The following IFNGR1 variants were observed in gnomAD, a reference collection of about 807,000 sequenced individuals.
The protein encoded by IFNGR1 is AVP, type 2.
IFNGR1 carries 23 observed loss-of-function variants against 35.4 expected under a neutral mutation model. The ratio of observed to expected loss-of-function variants is 0.65; its 90% CI spans 0.47 to 0.92. IFNGR1 has a LOEUF of 0.92. Ranked by LOEUF, IFNGR1 falls within the 40% of genes least tolerant of loss-of-function variation. IFNGR1 has a pLI of 0.00. For missense variants in IFNGR1, 533 were observed against 583.4 expected, an observed-to-expected ratio of 0.91 and a Z score of 0.89; for synonymous variants, 199 against 209.5, an observed-to-expected ratio of 0.95 and a Z score of 0.43.
intron 5 of IFNGR1, among the ~76,000 whole-genome samples, chr6:137,203,281 G>A (rs1779331232): frequency 6.6e-6 from 1 of 151,932 alleles, no homozygotes; most frequent in African/African-American, 2.4e-5. Flanking sequence ...TGGGTCAAGG[G>A]GCCATCACAT....
intron 1 of IFNGR1, among the ~76,000 whole-genome samples, chr6:137,211,958 A>AT (rs576026268): frequency 2.6e-5 from 4 of 151,992 alleles, no homozygotes; most frequent in African/African-American, 7.3e-5. Context: ...TCATTTTGGC[A>AT]TTTTTTTGCC....
intron 5 of IFNGR1, among the ~76,000 whole-genome samples, chr6:137,201,238 T>C (rs931893103): frequency 6.6e-6 from 1 of 152,252 alleles, no homozygotes; most frequent in Non-Finnish European, 1.5e-5. Context: ...TTTCTGGGAC[T>C]ATTCTACTAT....
In IFNGR1 at chr6:137,204,362, G is replaced by T; in HGVS notation, c.516C>A (p.Tyr172Ter). ...DPETTCYIRV[Y>*]NVYVRMNGSE... The stretch of plus-strand genomic sequence containing the variant: ...TTCCGTTCATTCTCACATACACATT[G>T]TACACCCTAATGTAACAGGTAGTTT... The change falls in exon 4 of 7, where the codon TAC becomes TAA. Residue 172 changes from tyrosine (Y) to a stop codon, truncating the protein, a stop_gained. Coordinates refer to ENST00000367739, the MANE Select transcript of IFNGR1 (RefSeq NM_000416.3). LOFTEE classifies it high-confidence loss of function. 6.2e-7 allele frequency: 1 copy of T among 1,613,780 alleles called. No individual in the cohort carries two copies. The highest frequency in any genetic ancestry group is 8.5e-7 in the Non-Finnish European group (1 of 1,179,804).
chr6:137,211,921 C>T (rs992074721), intron 1 of IFNGR1, among the ~76,000 whole-genome samples: 3 of 152,178 alleles, frequency 2.0e-5, no homozygotes, highest in African/African-American at 7.2e-5. Context: ...CATACTAAAT[C>T]TGAGCCTTCC....
At chr6:137,216,725 T>G (rs1036111379) in intron 1 of IFNGR1, among the ~76,000 whole-genome samples, 19 of 152,166 alleles carry the variant, frequency 1.2e-4, no homozygotes, top group African/African-American at 4.3e-4. Context: ...CACAACAAAA[T>G]CTAGAGAAAT....
chr6:137,215,873 G>A (rs1389535418), intron 1 of IFNGR1, among the ~76,000 whole-genome samples: 1 of 151,972 alleles, frequency 6.6e-6, no homozygotes, highest in Admixed American at 6.6e-5. Context: ...CACCACACAG[G>A]GTTAATTTTT....
chr6:137,219,238 G>A lies in IFNGR1; in HGVS notation c.85+5C>T, dbSNP rs371150014. On this transcript the variant is annotated splice_donor_5th_base_variant and intron_variant, in intron 1 of 6. Coordinates refer to ENST00000367739, the MANE Select transcript of IFNGR1 (RefSeq NM_000416.3). ...CGGCCGCAGCCCTGCCGCGAACGAC[G>A]GTACCTGAGGACGGCCCCAGATCCG... 44 of 1,607,828 alleles carry A rather than the reference G, an allele frequency of 2.7e-5. No homozygotes were observed. The East Asian group carries it at 7.6e-4, about 28-fold the overall frequency.
Position 137,197,799 on chromosome 6 carries a change from A to T in IFNGR1, c.*232T>A. 5 of 477,170 alleles carry T rather than the reference A, an allele frequency of 1.0e-5. No homozygotes were observed. The highest frequency in any genetic ancestry group is 1.9e-5 in the Non-Finnish European group (5 of 265,584). The allele number at this position is 477,170 out of a possible 1,614,324, so 29.6% of individuals were successfully genotyped here. A position where few individuals can be genotyped will look rare whatever the true frequency, so the allele number is the denominator to read the frequency against. On this transcript the variant is annotated 3_prime_UTR_variant, in exon 7 of 7. Transcript: ENST00000367739. The stretch of plus-strand genomic sequence containing the variant: ...TTACTGGTAACCTATCTGGATGTAA[A>T]GGTTCATAAGTTACAATGCTTTTTT...
chr6:137,217,715 C>T (rs1264700223), intron 1 of IFNGR1, among the ~76,000 whole-genome samples: 1 of 152,196 alleles, frequency 6.6e-6, no homozygotes, highest in Non-Finnish European at 1.5e-5. Flanking sequence ...TTTTCTGAGA[C>T]AATAAATTCC....
rs1491444766 is a variant in IFNGR1 at position 137,202,600 on chromosome 6, T to TACAC, written c.733+898_733+899insGTGT. ...AAAATCCTAAGGAAAAAAATATATG[T>TACAC]ATACACACACACACACACACACACA... On this transcript the variant is annotated intron_variant, in intron 5 of 6. Transcript: ENST00000367739. 2.1e-3 allele frequency among the ~76,000 whole-genome samples: 219 copies of TACAC among 104,420 alleles called. 4 individuals carry two copies. The Admixed American group carries it at 0.022, about 11-fold the overall frequency. The allele number at this position is 104,420 out of a possible 152,430, so 68.5% of individuals were successfully genotyped here.
In IFNGR1 at chr6:137,197,849, T is replaced by C. The variant is rs889422062; in HGVS notation, c.*182A>G. 37 of 706,436 alleles carry C rather than the reference T, an allele frequency of 5.2e-5. No individual in the cohort carries two copies. The highest frequency in any genetic ancestry group is 7.7e-5 in the Non-Finnish European group (34 of 440,214). 43.8% of individuals were successfully genotyped at this position (706,436 alleles called of 1,614,324 possible). A position where few individuals can be genotyped will look rare whatever the true frequency, so the allele number is the denominator to read the frequency against. ...TTGTTTAAAAAAAAAAAAAAGTCTG[T>C]ACTTTACAAGCCAAAAGTGAAAATG... On this transcript the variant is annotated 3_prime_UTR_variant, in exon 7 of 7. Transcript: ENST00000367739.
At position 137,198,088 on chromosome 6, in the gene IFNGR1, G is replaced by C. The variant is rs749318907; in HGVS notation, c.1413C>G (p.Ser471Arg). The change falls in exon 7 of 7, where the codon AGC (serine) becomes AGG (arginine). Residue 471 changes from serine (S) to arginine (R), a missense_variant. Ser to Arg is a moderately radical substitution (Grantham distance 110). Transcript: ENST00000367739. Reference protein sequence around the residue: ...HVLVDLLVDDSGKESLIGYRP... With the variant: ...HVLVDLLVDDRGKESLIGYRP... ...TATAACCAATCAAGGACTCTTTACCGCTATCATCCACAAGTAGATCCACTA... is the reference window on the plus strand; with the variant it reads ...TATAACCAATCAAGGACTCTTTACCCCTATCATCCACAAGTAGATCCACTA... The C allele has an allele frequency of 2.5e-6, 4 of 1,613,946 alleles. No homozygotes were observed. The highest frequency in any genetic ancestry group is 3.4e-6 in the Non-Finnish European group (4 of 1,180,008).
intron 1 of IFNGR1, chr6:137,209,837 C>T (rs1779534446): frequency 5.0e-6 from 2 of 398,702 alleles, no homozygotes; most frequent in East Asian, 3.6e-5. Flanking sequence ...TTCTATAGTA[C>T]AGGAATAGAT....
chr6:137,200,736 G>A, intron 6 of IFNGR1, 145 bp downstream of exon 6: 1 of 697,840 alleles, frequency 1.4e-6, no homozygotes, highest in Non-Finnish European at 2.3e-6. Flanking sequence ...CACAGTATGT[G>A]ATTTTGCATG....
At chr6:137,207,505 C>T (rs575930231) in intron 1 of IFNGR1, among the ~76,000 whole-genome samples, 1 of 152,220 alleles carries the variant, frequency 6.6e-6, no homozygotes, top group African/African-American at 2.4e-5. Context: ...AACTGTATCT[C>T]CCAGAATTCC....
rs745401411 is a variant in IFNGR1 at position 137,198,463 on chromosome 6, T to C, written c.1038A>G (p.Thr346=). 5 of 1,614,082 alleles carry C rather than the reference T, an allele frequency of 3.1e-6. No homozygotes were observed. Among genetic ancestry groups the C allele is most frequent in the Non-Finnish European group, 4.2e-6 (5 of 1,180,036 alleles). Residue 346 remains threonine, a synonymous_variant, in exon 7 of 7, where the codon ACA becomes ACG. Transcript: ENST00000367739. ...TEDNPGKVEH[T]EELSSITEVV... is the part of the protein sequence containing the mutation. ...CTTCTGTTATACTAGAAAGTTCTTC[T>C]GTATGTTCCACTTTTCCTGGATTGT...
rs2114487300 is a variant in IFNGR1, at chr6:137,206,265, G to A, written c.244C>T (p.His82Tyr). ...TGATCAGAAATATTACAATAATGAT[G>A]AGAAATATTGATGCAGGCATCAATC... ...EWIDACINIS[H>Y]HYCNISDHVG... The change falls in exon 3 of 7, where the codon CAT (histidine) becomes TAT (tyrosine). Residue 82 changes from histidine (H) to tyrosine (Y), a missense_variant. Transcript: ENST00000367739. The A allele has an allele frequency of 6.2e-7, 1 of 1,609,242 alleles. No homozygotes were observed.
chr6:137,215,313 C>T, intron 1 of IFNGR1: 2 of 1,548,964 alleles, frequency 1.3e-6, no homozygotes, highest in African/African-American at 1.4e-5. Flanking sequence ...CTGGTGACTT[C>T]AAAAGCATCT....
At chr6:137,209,217 C>T (rs1003072867) in intron 1 of IFNGR1, among the ~76,000 whole-genome samples, 1 of 152,174 alleles carries the variant, frequency 6.6e-6, no homozygotes, top group African/African-American at 2.4e-5. Flanking sequence ...GGCTCACAGG[C>T]AGAAAGGACT....
Sources: allele counts gnomAD v4.1 joint callset (sites outside exome capture counted in the v4.1 genomes callset), GRCh38; gene constraint gnomAD v4.1.1; transcripts MANE v1.5; gene names NCBI Gene and HGNC (gene_info 2026-07-23, HGNC 2026-07-21).